The following CASZ1 variants were observed in gnomAD, a reference collection of about 807,000 sequenced individuals.
CASZ1 encodes zinc finger protein castor homolog 1.
A neutral mutation model predicts 135.2 loss-of-function variants in CASZ1; 28 were observed. That is an observed-to-expected ratio of 0.21 (90% confidence interval 0.15 to 0.28). CASZ1 has a LOEUF of 0.28. CASZ1 is among the 10% of genes least tolerant of loss of function. The pLI is 1.00. For synonymous variants in CASZ1, 1,068 were observed against 1,073.4 expected (o/e 0.99, Z 0.10); for missense variants, 2,161 against 2,453.3 (o/e 0.88, Z 2.52).
At chr1:10,668,400 A>G (rs1416728455) in intron 4 of CASZ1, among the ~76,000 whole-genome samples, 1 of 152,084 alleles carries the variant, frequency 6.6e-6, no homozygotes, top group Non-Finnish European at 1.5e-5. Context: ...CCTTCCCGCC[A>G]CCAGCCTGCC....
chr1:10,717,675 G>A lies in CASZ1; in HGVS notation c.-76-12131C>T, dbSNP rs892981042. ...GGGGCAGGGGGCAGGGGACAGGGGC[G>A]GAGGTAGAAAACCCTTGCCAATTCC... is the stretch of plus-strand genomic sequence containing the variant. On this transcript the variant is annotated intron_variant, in intron 2 of 20. Coordinates refer to ENST00000377022, the MANE Select transcript of CASZ1 (RefSeq NM_001079843.3). This position sits in a 1 kb window ranked among gnomAD's most constrained non-coding sequence, Gnocchi z 4.6. Among the ~76,000 whole-genome samples the A allele has an allele frequency of 1.3e-5, 2 of 152,102 alleles. No individual in the cohort carries two copies. The highest frequency in any genetic ancestry group is 1.9e-4 in the East Asian group (1 of 5,188).
Position 10,647,666 on chromosome 1 carries a change from G to A in CASZ1, c.3497+135C>T, listed in dbSNP as rs373589541. On this transcript the variant is annotated intron_variant, in intron 16 of 20. Transcript: ENST00000377022. This position sits in a 1 kb window ranked among gnomAD's most constrained non-coding sequence, Gnocchi z 4.9. ...ATCTTTGGCTAGAAGGACATCACCC[G>A]ATGGCCATGCCCCAGAGAGGCTGGG... 21 of 1,495,666 alleles carry A rather than the reference G, an allele frequency of 1.4e-5. No homozygotes were observed. The highest frequency in any genetic ancestry group is 8.3e-5 in the African/African-American group (6 of 72,424). 92.6% of individuals were successfully genotyped at this position (1,495,666 alleles called of 1,614,324 possible).
At chr1:10,791,430 A>G (rs1640953421) in intron 1 of CASZ1, among the ~76,000 whole-genome samples, 1 of 152,240 alleles carries the variant, frequency 6.6e-6, no homozygotes, top group Non-Finnish European at 1.5e-5. Flanking sequence ...AAATTCTGCT[A>G]AATACAGGAG....
At chr1:10,652,210 G>C (rs1642615037) in intron 11 of CASZ1, 1 of 152,302 alleles carries the variant, frequency 6.6e-6, no homozygotes, top group African/African-American at 2.4e-5. Flanking sequence ...CTGGGCCACA[G>C]GGACCCTCAG....
chr1:10,660,814 A>G (rs1408029808), intron 5 of CASZ1: 4 of 489,746 alleles, frequency 8.2e-6, no homozygotes, highest in African/African-American at 3.9e-5. Context: ...TTTTCAGTAC[A>G]TTAAACAAAG....
In CASZ1 at chr1:10,739,763, G is replaced by T. The variant is rs889240768; in HGVS notation, c.-77+20938C>A. Reference sequence around the variant, plus strand: ...CCCTCTCTTTGGGGTTCTGGTTCCCGATTAAACCTTGACCTCTCTAGCACA... The same window carrying T: ...CCCTCTCTTTGGGGTTCTGGTTCCCTATTAAACCTTGACCTCTCTAGCACA... On this transcript the variant is annotated intron_variant, in intron 2 of 20. Transcript: ENST00000377022. This position sits in a 1 kb window ranked among gnomAD's most constrained non-coding sequence, Gnocchi z 4.8. Among the ~76,000 whole-genome samples the T allele has an allele frequency of 5.3e-5, 8 of 152,276 alleles. No individual in the cohort carries two copies. The highest frequency in any genetic ancestry group is 5.2e-4 in the Admixed American group (8 of 15,296).
chr1:10,661,526 A>G (rs113894709), intron 5 of CASZ1: 1 of 143,180 alleles, frequency 7.0e-6, no homozygotes, highest in African/African-American at 2.7e-5. Flanking sequence ...TGCATTCTCA[A>G]ACACACACAC....
At position 10,646,169 on chromosome 1, in the gene CASZ1, G is replaced by A; in HGVS notation, c.3655C>T (p.Gln1219Ter). Residue 1219 changes from glutamine to a stop codon, truncating the protein, a stop_gained, in exon 17 of 21, where the codon CAG becomes TAG. Coordinates refer to ENST00000377022, the MANE Select transcript of CASZ1 (RefSeq NM_001079843.3). LOFTEE classifies it high-confidence loss of function. This position sits in a 1 kb window ranked among gnomAD's most constrained non-coding sequence, Gnocchi z 6.4. Reference protein sequence around the residue: ...PNNNLVNVRDQFAYYSLQCLC... With the variant: ...PNNNLVNVRD ...CACTGCAGAGAGTAGTATGCAAACT[G>A]GTCTCGCACGTTCACCAGGTTGTTG... 1 of 1,614,138 alleles carries A rather than the reference G, an allele frequency of 6.2e-7. No individual in the cohort carries two copies. Among genetic ancestry groups the A allele is most frequent in the Non-Finnish European group, 8.5e-7 (1 of 1,180,030 alleles).
At chr1:10,728,162 C>T (rs559059820) in intron 2 of CASZ1, among the ~76,000 whole-genome samples, 7 of 152,340 alleles carry the variant, frequency 4.6e-5, no homozygotes, top group African/African-American at 1.7e-4. Flanking sequence ...GGCACCAGGC[C>T]GCACACGGGA....
chr1:10,691,047 A>G (rs1250149534), intron 4 of CASZ1, among the ~76,000 whole-genome samples: 1 of 148,682 alleles, frequency 6.7e-6, no homozygotes, highest in East Asian at 2.0e-4. Flanking sequence ...AAAAGGGCCT[A>G]ATGGAACTAT....
In CASZ1 at chr1:10,655,645, G is replaced by C. The variant is rs1359788343; in HGVS notation, c.1665+4C>G. The C allele has an allele frequency of 6.2e-7, 1 of 1,610,300 alleles. No homozygotes were observed. The highest frequency in any genetic ancestry group is 1.1e-5 in the South Asian group (1 of 90,786). On this transcript the variant is annotated splice_donor_region_variant and intron_variant, in intron 9 of 20. Transcript: ENST00000377022. ...TGCCCAGTGGGCCCGGGTGCGGGAG[G>C]CACCTGCATGCAGTGATAGTGGGTG...
chr1:10,794,176 CGTGTGTGTGT>C lies in CASZ1; in HGVS notation c.-234+2378_-234+2387del, dbSNP rs4002551. On this transcript the variant is annotated intron_variant, in intron 1 of 20. Transcript: ENST00000377022. This position sits in a 1 kb window ranked among gnomAD's most constrained non-coding sequence, Gnocchi z 5.6. ...GTGTGTGCGTGTTTGTATGTGTATGCGTGTGTGTGTGTGTGTGTGTGTGCGCGCGCGCGCG... is the reference window on the plus strand; with the variant it reads ...GTGTGTGCGTGTTTGTATGTGTATGCGTGTGTGTGTGTGCGCGCGCGCGCG... Among the ~76,000 whole-genome samples the C allele has an allele frequency of 3.4e-5, 5 of 148,406 alleles. No individual in the cohort carries two copies. The highest frequency in any genetic ancestry group is 6.0e-5 in the Non-Finnish European group (4 of 66,680).
intron 4 of CASZ1, among the ~76,000 whole-genome samples, chr1:10,674,352 G>A (rs1364683959): frequency 2.0e-5 from 3 of 152,214 alleles, no homozygotes; most frequent in Non-Finnish European, 2.9e-5. Flanking sequence ...AGAGATGCCC[G>A]GCCCAAGCCC....
intron 2 of CASZ1, among the ~76,000 whole-genome samples, chr1:10,758,493 G>C (rs753907797): frequency 6.6e-5 from 10 of 152,024 alleles, no homozygotes; most frequent in African/African-American, 2.2e-4. Flanking sequence ...CACTATACAC[G>C]GCTAATTTTT....
At position 10,639,533 on chromosome 1, in the gene CASZ1, C is replaced by T. The variant is rs1191984325; in HGVS notation, c.4689G>A (p.Lys1563=). ...GGAAGTGCGAGCACTTGAGCTTGTA[C>T]TTGCAGTCGGGCACGGCGCAGTCGG... is the stretch of plus-strand genomic sequence containing the variant. ...SSADCAVPDC[K]YKLKCSHFHC... The change falls in exon 21 of 21, where the codon AAG becomes AAA. Residue 1563 remains lysine, a synonymous_variant. Transcript: ENST00000377022. The surrounding 1 kb of genome is among the most constrained non-coding windows in gnomAD (Gnocchi z 4.0). The T allele has an allele frequency of 6.2e-7, 1 of 1,611,138 alleles. No homozygotes were observed. Among genetic ancestry groups the T allele is most frequent in the Non-Finnish European group, 8.5e-7 (1 of 1,178,734 alleles).
Position 10,749,393 on chromosome 1 carries a change from G to A in CASZ1, c.-77+11308C>T, listed in dbSNP as rs372434878. The stretch of plus-strand genomic sequence containing the variant: ...CTCCTGAGTAGCTAGGACTACAGGC[G>A]TGTGCCACCATGCACAGCTAATTTT... On this transcript the variant is annotated intron_variant, in intron 2 of 20. Coordinates refer to ENST00000377022, the MANE Select transcript of CASZ1 (RefSeq NM_001079843.3). Among the ~76,000 whole-genome samples the A allele has an allele frequency of 1.2e-4, 18 of 152,136 alleles. No homozygotes were observed. In the South Asian group the frequency reaches 1.7e-3, roughly 14 times the overall value.
rs1047154804 is a variant in CASZ1, at chr1:10,725,299, G to T, written c.-76-19755C>A. On this transcript the variant is annotated intron_variant, in intron 2 of 20. Transcript: ENST00000377022. This position sits in a 1 kb window ranked among gnomAD's most constrained non-coding sequence, Gnocchi z 4.4. ...CCTCCACCGTGCCAATGCCAACACC[G>T]TGGCCGCCTCCCGCTGCATGCGTGT... Among the ~76,000 whole-genome samples, 1 of 152,344 alleles carries T rather than the reference G, an allele frequency of 6.6e-6. No individual in the cohort carries two copies. The highest frequency in any genetic ancestry group is 3.4e-3 in the Middle Eastern group (1 of 294).
intron 1 of CASZ1, among the ~76,000 whole-genome samples, chr1:10,786,088 G>A (rs1640854902): frequency 1.3e-5 from 2 of 152,196 alleles, no homozygotes; most frequent in African/African-American, 2.4e-5. Context: ...TCGTGGGCAC[G>A]ACTCTGGGAT....
intron 1 of CASZ1, among the ~76,000 whole-genome samples, chr1:10,781,375 A>G (rs1454385250): frequency 6.6e-6 from 1 of 152,194 alleles, no homozygotes; most frequent in Non-Finnish European, 1.5e-5. Context: ...GGCAAGGGCC[A>G]CACTCCCGTC....
Sources: allele counts gnomAD v4.1 joint callset (sites outside exome capture counted in the v4.1 genomes callset), GRCh38; gene constraint gnomAD v4.1.1; non-coding constraint Gnocchi (gnomAD v3.1); transcripts MANE v1.5; gene names NCBI Gene and HGNC (gene_info 2026-07-23, HGNC 2026-07-21).